TTN: variants seen among roughly 807,000 people sequenced by gnomAD.
TTN encodes titin.
In TTN, 1,525 loss-of-function variants were observed where a neutral mutation model predicts 3,223.0. The observed-to-expected ratio is 0.47, with a 90% confidence interval of 0.45 to 0.49. The LOEUF (loss-of-function observed/expected upper bound fraction) is 0.49, where lower values mean the gene tolerates loss of function less well. TTN is among the 20% of genes least tolerant of loss of function. The pLI, the probability that TTN is intolerant of heterozygous loss-of-function variation, is 0.00. For missense variants in TTN, 40,786 were observed against 43,424.0 expected (o/e 0.94, Z 5.40); for synonymous variants, 14,094 against 15,161.0 (o/e 0.93, Z 5.17).
At position 178,652,314 on chromosome 2, in the gene TTN, T is replaced by C; in HGVS notation, c.39161A>G (p.Lys13054Arg). ...PEAPKEVVPE[K>R]KVPVPPPKKP... is the part of the protein sequence containing the mutation. ...TTTAGGAGGAGGCACTGGCACTTTC[T>C]TTTCAGGAACAACTTCTTTGGGAGC... Residue 13054 changes from lysine to arginine, a missense_variant, in exon 203 of 363, where the codon AAG becomes AGG. Lys to Arg is a conservative substitution (Grantham distance 26). Coordinates refer to ENST00000589042, the MANE Select transcript of TTN (RefSeq NM_001267550.2). The C allele has an allele frequency of 6.2e-7, 1 of 1,613,764 alleles. No individual in the cohort carries two copies.
rs368101794 is a variant in TTN at position 178,722,652 on chromosome 2, T to G, written c.22240+7A>C. ...AAGAATTTTTTTAATTTGTAAAATA[T>G]CATCACCTTGAATTCTGAACACAGT... is the stretch of plus-strand genomic sequence containing the variant. On this transcript the variant is annotated splice_region_variant and intron_variant, in intron 76 of 362. Coordinates refer to ENST00000589042, the MANE Select transcript of TTN (RefSeq NM_001267550.2). The G allele has an allele frequency of 1.4e-4, 222 of 1,596,916 alleles. No individual in the cohort carries two copies. Among genetic ancestry groups the G allele is most frequent in the Non-Finnish European group, 1.8e-4 (208 of 1,172,714 alleles).
chr2:178,799,646 T>C lies in TTN; in HGVS notation c.755A>G (p.Lys252Arg), dbSNP rs146238443. The part of the protein sequence containing the change: ...DGAAGQQLPH[K>R]TPPRIPPKPK... The stretch of plus-strand genomic sequence containing the variant: ...CTTCGGAGGAATCCTGGGAGGTGTT[T>C]TATGTGGCAGCTGTTGCCCAGCGGC... Residue 252 changes from lysine to arginine, a missense_variant, in exon 6 of 363, where the codon AAA becomes AGA. By Grantham distance (26) the Lys-to-Arg change is conservative. Transcript: ENST00000589042. The C allele has an allele frequency of 5.0e-6, 8 of 1,613,978 alleles. No individual in the cohort carries two copies. Among genetic ancestry groups the C allele is most frequent in the Non-Finnish European group, 6.8e-6 (8 of 1,180,024 alleles).
In TTN at chr2:178,632,126, TA is replaced by T; in HGVS notation, c.43747+20del. 1.3e-6 allele frequency: 2 copies of T among 1,549,246 alleles called. No individual in the cohort carries two copies. The highest frequency in any genetic ancestry group is 1.7e-6 in the Non-Finnish European group (2 of 1,149,142). On this transcript the variant is annotated intron_variant, in intron 236 of 362. Coordinates refer to ENST00000589042, the MANE Select transcript of TTN (RefSeq NM_001267550.2). ...TCTGTTGAATTTAATGCAGTAAAAT[TA>T]AAATTTAAAAAGCACTTACCAAGCA...
At position 178,667,864 on chromosome 2, in the gene TTN, T is replaced by C. The variant is rs1560223024; in HGVS notation, c.35546-143A>G. The C allele has an allele frequency of 2.4e-5, 14 of 579,282 alleles. No homozygotes were observed. In the East Asian group the frequency reaches 4.1e-4, roughly 17 times the overall value. The allele number at this position is 579,282 out of a possible 1,614,324, so 35.9% of individuals were successfully genotyped here. On this transcript the variant is annotated intron_variant, in intron 159 of 362. Coordinates refer to ENST00000589042, the MANE Select transcript of TTN (RefSeq NM_001267550.2). ...AGGCAAATTAGTGGCTAGAATGCAT[T>C]GGCTGGGGATAGCCTCACTCCCAGT...
At chr2:178,749,016 C>T (rs1405565042) in intron 47 of TTN, 13 of 1,612,172 alleles carry the variant, frequency 8.1e-6, no homozygotes, top group South Asian at 5.5e-5. Flanking sequence ...TTTTCAAATT[C>T]GATAATTCTA....
Position 178,739,330 on chromosome 2 carries a change from C to T in TTN, c.13903G>A (p.Val4635Met). ...LTTSITNAKE[V>M]NWYFENKLVP... ...AGTTTATTCTCAAAATACCAATTCACCTCTTTAGCATTTGTTATGGATGTT... is the reference window on the plus strand; with the variant it reads ...AGTTTATTCTCAAAATACCAATTCATCTCTTTAGCATTTGTTATGGATGTT... The change falls in exon 48 of 363, where the codon GTG becomes ATG. Residue 4635 changes from valine to methionine, a missense_variant. Coordinates refer to ENST00000589042, the MANE Select transcript of TTN (RefSeq NM_001267550.2). 6.2e-7 allele frequency: 1 copy of T among 1,613,748 alleles called. No individual in the cohort carries two copies. Among genetic ancestry groups the T allele is most frequent in the Non-Finnish European group, 8.5e-7 (1 of 1,179,778 alleles).
rs373858905 is a variant in TTN, at chr2:178,601,838, G to T, written c.55302+44C>A. The T allele has an allele frequency of 7.5e-6, 12 of 1,606,206 alleles. No individual in the cohort carries two copies. The African/African-American group carries it at 1.5e-4, about 20-fold the overall frequency. ...CATTGAATGAAATCATAGCAATATT[G>T]AAGTCAACCATATTCTGAATTATTT... On this transcript the variant is annotated intron_variant, in intron 285 of 362. Transcript: ENST00000589042.
At position 178,553,633 on chromosome 2, in the gene TTN, C is replaced by G. The variant is rs1360436599; in HGVS notation, c.89372G>C (p.Arg29791Thr). 1.2e-6 allele frequency: 2 copies of G among 1,613,880 alleles called. No individual in the cohort carries two copies. Among genetic ancestry groups the G allele is most frequent in the Admixed American group, 3.3e-5 (2 of 60,018 alleles). ...WTTVSTKGEV[R>T]TTEYVVSNLK... is the part of the protein sequence containing the mutation. The stretch of plus-strand genomic sequence containing the variant: ...GTTGGATACCACATATTCTGTAGTT[C>G]TGACCTCTCCTTTGGTAGAGACAGT... The change falls in exon 334 of 363, where the codon AGA becomes ACA. Residue 29791 changes from arginine to threonine, a missense_variant. Physicochemically the swap from Arg to Thr is moderately conservative, Grantham distance 71. Coordinates refer to ENST00000589042, the MANE Select transcript of TTN (RefSeq NM_001267550.2).
rs1560852223 is a variant in TTN at position 178,735,675 on chromosome 2, T to A, written c.14771A>T (p.Asp4924Val). 5 of 1,613,834 alleles carry A rather than the reference T, an allele frequency of 3.1e-6. No individual in the cohort carries two copies. The highest frequency in any genetic ancestry group is 4.2e-6 in the Non-Finnish European group (5 of 1,179,810). Reference protein sequence around the residue: ...DRKVTVTWSKDGQKLPPGKDY... With the variant: ...DRKVTVTWSKVGQKLPPGKDY... The stretch of plus-strand genomic sequence containing the variant: ...TTTCCCTGGGGGGAGTTTTTGCCCA[T>A]CTTTGCTCCACGTAACTGTGACTTT... Residue 4924 changes from aspartate to valine, a missense_variant, in exon 50 of 363, where the codon GAT becomes GTT. Physicochemically the swap from Asp to Val is radical, Grantham distance 152. Transcript: ENST00000589042.
chr2:178,581,760 G>A lies in TTN; in HGVS notation c.66508C>T (p.Arg22170Cys), dbSNP rs377642110. The A allele has an allele frequency of 8.1e-6, 13 of 1,605,506 alleles. No individual in the cohort carries two copies. Among genetic ancestry groups the A allele is most frequent in the African/African-American group, 6.7e-5 (5 of 74,700 alleles). ...CCCCAAGATAGACTCACAGAGCTGC[G>A]AGTTGTATCATATACTTTAGGGAAA... ...PAFPKVYDTTRSSVSLSWGKP... is the reference protein window; with the variant it reads ...PAFPKVYDTTCSSVSLSWGKP... The change falls in exon 316 of 363, where the codon CGC becomes TGC. Residue 22170 changes from arginine to cysteine, a missense_variant. Transcript: ENST00000589042.
In TTN at chr2:178,592,068, G is replaced by T. The variant is rs758522183; in HGVS notation, c.59836C>A (p.Gln19946Lys). Reference sequence around the variant, plus strand: ...TCCGCAGCTACTCGGAAGAGGTACTGGTTGCCTTCATTCAGATGCTTAGCG... The same window carrying T: ...TCCGCAGCTACTCGGAAGAGGTACTTGTTGCCTTCATTCAGATGCTTAGCG... Reference protein sequence around the residue: ...HFAKHLNEGNQYLFRVAAENQ... With the variant: ...HFAKHLNEGNKYLFRVAAENQ... The change falls in exon 302 of 363, where the codon CAG becomes AAG. Residue 19946 changes from glutamine (Q) to lysine (K), a missense_variant. By Grantham distance (53) the Gln-to-Lys change is moderately conservative (BLOSUM62 1). Transcript: ENST00000589042. The T allele has an allele frequency of 1.4e-5, 22 of 1,612,934 alleles. 1 individual carries two copies. The South Asian group carries it at 2.4e-4, about 18-fold the overall frequency.
intron 9 of TTN, among the ~76,000 whole-genome samples, chr2:178,793,052 C>A (rs1394423035): frequency 2.0e-5 from 3 of 152,240 alleles, no homozygotes; most frequent in Non-Finnish European, 4.4e-5. Context: ...GTGTCTCCTC[C>A]ACTTTTCCCC....
At position 178,566,323 on chromosome 2, in the gene TTN, A is replaced by G. The variant is rs1398566946; in HGVS notation, c.79809T>C (p.Val26603=). ...DLDSELRKGI[V]VRAGGSARIH... ...TTCTGGCAGATCCACCAGCTCTTAC[A>G]ACAATTCCTTTTCTTAATTCGGAGT... Residue 26603 remains valine, a synonymous_variant, in exon 326 of 363, where the codon GTT becomes GTC. Coordinates refer to ENST00000589042, the MANE Select transcript of TTN (RefSeq NM_001267550.2). The G allele has an allele frequency of 6.2e-7, 1 of 1,613,580 alleles. No individual in the cohort carries two copies. The highest frequency in any genetic ancestry group is 1.3e-5 in the African/African-American group (1 of 75,000).
chr2:178,745,905 T>A, intron 47 of TTN: 1 of 1,611,486 alleles, frequency 6.2e-7, no homozygotes, highest in Non-Finnish European at 8.5e-7. Flanking sequence ...TCTGTGTAGT[T>A]GCTCTTTAAG....
Position 178,562,761 on chromosome 2 carries a change from G to T in TTN, c.83371C>A (p.Leu27791Ile). ...DSVTLSWEPPLIDGGAKITNY... is the reference protein window; with the variant it reads ...DSVTLSWEPPIIDGGAKITNY... ...GTAATCTTAGCTCCACCATCAATAA[G>T]TGGTGGTTCCCAGGACAACGTCACT... The change falls in exon 326 of 363, where the codon CTT becomes ATT. Residue 27791 changes from leucine to isoleucine, a missense_variant. Physicochemically the swap from Leu to Ile is conservative, Grantham distance 5 (BLOSUM62 2). Transcript: ENST00000589042. 1.2e-6 allele frequency: 2 copies of T among 1,613,114 alleles called. No homozygotes were observed. The highest frequency in any genetic ancestry group is 8.5e-7 in the Non-Finnish European group (1 of 1,179,496).
chr2:178,680,414 T>C (rs995218516), intron 138 of TTN, 83 bp from the exon 139 acceptor site: 6 of 1,086,984 alleles, frequency 5.5e-6, no homozygotes, highest in Admixed American at 2.2e-5. Context: ...TTTAAGCAGA[T>C]AGAATAATGT....
Position 178,595,740 on chromosome 2 carries a change from C to G in TTN, c.57614G>C (p.Trp19205Ser), listed in dbSNP as rs772966626. The G allele has an allele frequency of 6.2e-7, 1 of 1,609,466 alleles. No homozygotes were observed. Among genetic ancestry groups the G allele is most frequent in the South Asian group, 1.1e-5 (1 of 89,888 alleles). The change falls in exon 295 of 363, where the codon TGG becomes TCG. Residue 19205 changes from tryptophan to serine, a missense_variant. Transcript: ENST00000589042. ...NLTNESCKLT[W>S]FSPEDDGGSP... ...GCCTCCATCATCTTCTGGAGAAAAC[C>G]ATGTCAGTTTGCAGGACTCATTGGT...
intron 347 of TTN, 31 bp downstream of exon 347, chr2:178,543,036 CTT>C (rs58609542): frequency 5.2e-3 from 6,930 of 1,342,744 alleles, no homozygotes; most frequent in South Asian, 0.011. Context: ...TTTTACTTTA[CTT>C]TTTTTTTTTT....
At position 178,548,248 on chromosome 2, in the gene TTN, G is replaced by A. The variant is rs1697989311; in HGVS notation, c.93378C>T (p.Ser31126=). The A allele has an allele frequency of 6.2e-7, 1 of 1,613,682 alleles. No homozygotes were observed. The highest frequency in any genetic ancestry group is 1.3e-5 in the African/African-American group (1 of 74,888). The part of the protein sequence containing the change: ...PPRRLDVVDT[S]KSSAVLAWLK... ...GCCAAGCTAAGACTGCGGAGGATTT[G>A]CTAGTATCAACAACATCAAGTCTCC... is the stretch of plus-strand genomic sequence containing the variant. The change falls in exon 339 of 363, where the codon AGC becomes AGT. Residue 31126 remains serine, a synonymous_variant. Transcript: ENST00000589042. The surrounding 1 kb of genome is among the most constrained non-coding windows in gnomAD (Gnocchi z 4.3).
Sources: allele counts gnomAD v4.1 joint callset (sites outside exome capture counted in the v4.1 genomes callset), GRCh38; gene constraint gnomAD v4.1.1; non-coding constraint Gnocchi (gnomAD v3.1); transcripts MANE v1.5; gene names NCBI Gene and HGNC (gene_info 2026-07-23, HGNC 2026-07-21).